STAC: variants seen among roughly 807,000 people sequenced by gnomAD.
The protein encoded by STAC is SH3 and cysteine-rich domain-containing protein.
Under a neutral mutation model 48.8 loss-of-function variants are expected in STAC, and 43 were observed. That is an observed-to-expected ratio of 0.88 (90% CI 0.69 to 1.14). STAC has a LOEUF of 1.14. Among genes scored for constraint, STAC ranks in the 50% most tolerant of loss-of-function variants. The pLI, the probability that STAC is intolerant of heterozygous loss-of-function variation, is 0.00. For synonymous variants in STAC, 193 were observed against 179.5 expected (o/e 1.07, Z -0.60); for missense variants, 497 against 504.0 (o/e 0.99, Z 0.13).
intron 2 of STAC, among the ~76,000 whole-genome samples, chr3:36,470,161 A>G (rs1013485914): frequency 6.6e-6 from 1 of 152,064 alleles, no homozygotes; most frequent in African/African-American, 2.4e-5. Flanking sequence ...ATATTACCAG[A>G]ATTGTTTTTC....
chr3:36,420,760 A>G (rs1347622723), intron 1 of STAC, among the ~76,000 whole-genome samples: 1 of 152,148 alleles, frequency 6.6e-6, no homozygotes, highest in South Asian at 2.1e-4. Context: ...TTGTTACTAC[A>G]ATTTTTGGTA....
intron 1 of STAC, among the ~76,000 whole-genome samples, chr3:36,427,626 A>C (rs1700597348): frequency 6.6e-6 from 1 of 152,192 alleles, no homozygotes; most frequent in Admixed American, 6.5e-5. Context: ...GATTCACTAG[A>C]TTCTAGATTC....
intron 1 of STAC, among the ~76,000 whole-genome samples, chr3:36,438,185 C>T (rs1307527462): frequency 6.6e-6 from 1 of 152,168 alleles, no homozygotes; most frequent in Admixed American, 6.5e-5. Context: ...GATCCGCCCA[C>T]CTCCCTAAGT....
chr3:36,390,296 T>C (rs1043956074), intron 1 of STAC, among the ~76,000 whole-genome samples: 3 of 152,110 alleles, frequency 2.0e-5, no homozygotes, highest in Non-Finnish European at 4.4e-5. Flanking sequence ...ATTCCAGACA[T>C]CCCACTCATG....
At chr3:36,432,652 A>T (rs1700733234) in intron 1 of STAC, among the ~76,000 whole-genome samples, 1 of 152,052 alleles carries the variant, frequency 6.6e-6, no homozygotes, top group Admixed American at 6.6e-5. Context: ...GCAGTGAGCC[A>T]AGATCGTGCC....
At chr3:36,434,694 T>C (rs867961618) in intron 1 of STAC, among the ~76,000 whole-genome samples, 41 of 152,348 alleles carry the variant, frequency 2.7e-4, no homozygotes, top group Middle Eastern at 3.4e-3. Flanking sequence ...CTTTAGATCC[T>C]GGCAGAAATG....
At chr3:36,447,323 G>C (rs1696535616) in intron 2 of STAC, among the ~76,000 whole-genome samples, 1 of 151,994 alleles carries the variant, frequency 6.6e-6, no homozygotes, top group African/African-American at 2.4e-5. Context: ...GCACTAGAAT[G>C]GTAAATAAGA....
intron 2 of STAC, among the ~76,000 whole-genome samples, chr3:36,467,803 C>A (rs536104984): frequency 6.6e-6 from 1 of 151,620 alleles, no homozygotes; most frequent in African/African-American, 2.4e-5. Flanking sequence ...GTTTCATTTA[C>A]CTTTTGTATT....
At chr3:36,391,082 C>A (rs1047301236) in intron 1 of STAC, among the ~76,000 whole-genome samples, 1 of 152,114 alleles carries the variant, frequency 6.6e-6, no homozygotes, top group Non-Finnish European at 1.5e-5. Context: ...CATGTTCATA[C>A]CCTCTTTTAT....
intron 8 of STAC, among the ~76,000 whole-genome samples, chr3:36,526,448 C>T (rs912051150): frequency 2.6e-5 from 4 of 152,278 alleles, no homozygotes; most frequent in South Asian, 2.1e-4. Context: ...CATGTTTCCA[C>T]GCACTGCTCC....
chr3:36,512,485 A>G (rs1165803354), intron 8 of STAC, among the ~76,000 whole-genome samples: 1 of 152,176 alleles, frequency 6.6e-6, no homozygotes, highest in African/African-American at 2.4e-5. Flanking sequence ...TTTCTATTAT[A>G]GAGATCCTAC....
rs189021850 is a variant in STAC at position 36,441,724 on chromosome 3, T to G, written c.112-1640T>G. On this transcript the variant is annotated intron_variant, in intron 1 of 10. Coordinates refer to ENST00000273183, the MANE Select transcript of STAC (RefSeq NM_003149.3). The stretch of plus-strand genomic sequence containing the variant: ...TACATTCCCACAAACAAAATGTCTA[T>G]GAGTTCCCTTTTCTCTGCATTTGTT... 2.0e-5 allele frequency among the ~76,000 whole-genome samples: 3 copies of G among 152,346 alleles called. No individual in the cohort carries two copies. In the East Asian group the frequency reaches 5.8e-4, roughly 29 times the overall value.
chr3:36,393,542 A>C (rs562634000), intron 1 of STAC, among the ~76,000 whole-genome samples: 2 of 151,878 alleles, frequency 1.3e-5, no homozygotes, highest in South Asian at 4.2e-4. Context: ...CTCCAAAATT[A>C]TGTTGAAACT....
Position 36,505,736 on chromosome 3 carries a change from T to C in STAC, c.832-10T>C, listed in dbSNP as rs1361974215. 8 of 1,562,124 alleles carry C rather than the reference T, an allele frequency of 5.1e-6. No homozygotes were observed. Among genetic ancestry groups the C allele is most frequent in the Non-Finnish European group, 7.0e-6 (8 of 1,149,278 alleles). On this transcript the variant is annotated splice_polypyrimidine_tract_variant and intron_variant, in intron 7 of 10. Coordinates refer to ENST00000273183, the MANE Select transcript of STAC (RefSeq NM_003149.3). ...TTCTTTTCTCATTTTTCTTTTATTTTCTCTTTCAGGGATCTCTTTCCAAAG... is the reference window on the plus strand; with the variant it reads ...TTCTTTTCTCATTTTTCTTTTATTTCCTCTTTCAGGGATCTCTTTCCAAAG...
intron 3 of STAC, among the ~76,000 whole-genome samples, chr3:36,484,705 G>A (rs1197811776): frequency 6.6e-6 from 1 of 152,214 alleles, no homozygotes; most frequent in Non-Finnish European, 1.5e-5. Flanking sequence ...GGAGGCTGCA[G>A]TGCACTGCAG....
At chr3:36,432,376 C>T (rs566924126) in intron 1 of STAC, among the ~76,000 whole-genome samples, 1 of 152,284 alleles carries the variant, frequency 6.6e-6, no homozygotes, top group African/African-American at 2.4e-5. Flanking sequence ...ATGAAAGGCT[C>T]CTCTATCTCT....
At chr3:36,437,326 C>G (rs1300521797) in intron 1 of STAC, among the ~76,000 whole-genome samples, 5 of 151,500 alleles carry the variant, frequency 3.3e-5, no homozygotes, top group Admixed American at 1.3e-4. Context: ...CACATGCACA[C>G]GTATGTTTAT....
intron 1 of STAC, among the ~76,000 whole-genome samples, chr3:36,426,045 C>CAA (rs769424819): frequency 1.4e-5 from 2 of 144,174 alleles, no homozygotes; most frequent in Non-Finnish European, 3.1e-5. Flanking sequence ...AAACAAAAAA[C>CAA]AAAACAAAAC....
intron 2 of STAC, among the ~76,000 whole-genome samples, chr3:36,447,213 G>C (rs1696531495): frequency 2.0e-5 from 3 of 152,248 alleles, no homozygotes; most frequent in African/African-American, 7.2e-5. Flanking sequence ...GAAGTAGTGA[G>C]AGTGCAGCAT....
Sources: allele counts gnomAD v4.1 joint callset (sites outside exome capture counted in the v4.1 genomes callset), GRCh38; gene constraint gnomAD v4.1.1; transcripts MANE v1.5; gene names NCBI Gene and HGNC (gene_info 2026-07-23, HGNC 2026-07-21).